Variants in UGGT2 observed in about 807,000 individuals in gnomAD.
UGGT2 encodes UDP-glucose:glycoprotein glucosyltransferase 2.
A neutral mutation model predicts 192.1 loss-of-function variants in UGGT2; 180 were observed. The ratio of observed to expected loss-of-function variants is 0.94; its 90% confidence interval spans 0.83 to 1.06. The LOEUF (loss-of-function observed/expected upper bound fraction) is 1.06, where lower values mean the gene tolerates loss of function less well. UGGT2 is among the 50% of genes least tolerant of loss of function. UGGT2 has a pLI of 0.00. For synonymous variants in UGGT2, 580 were observed against 591.0 expected (o/e 0.98, Z 0.27); for missense variants, 1,849 against 1,795.7 (o/e 1.03, Z -0.54).
At chr13:95,814,992 G>C (rs1884755605) in intron 38 of UGGT2, among the ~76,000 whole-genome samples, 1 of 152,082 alleles carries the variant, frequency 6.6e-6, no homozygotes, top group Non-Finnish European at 1.5e-5. Context: ...CATCTCAACA[G>C]ATATTGAAAA....
intron 1 of UGGT2, among the ~76,000 whole-genome samples, chr13:96,045,389 G>C (rs2053279767): frequency 6.6e-6 from 1 of 152,064 alleles, no homozygotes; most frequent in South Asian, 2.1e-4. Flanking sequence ...ATACTGAATG[G>C]GGAAAAGTTT....
intron 4 of UGGT2, among the ~76,000 whole-genome samples, chr13:96,015,277 CAA>C (rs35384365): frequency 7.6e-4 from 85 of 111,202 alleles, no homozygotes; most frequent in East Asian, 2.0e-3. Context: ...GACTCCGTCT[CAA>C]AAAAAAAAAA....
At chr13:95,853,464 G>A in intron 36 of UGGT2, 79 bp downstream of exon 36, 1 of 1,112,794 alleles carries the variant, frequency 9.0e-7, no homozygotes, top group East Asian at 2.7e-5. Context: ...CAAAATATAA[G>A]ACTTTAAAGT....
intron 20 of UGGT2, among the ~76,000 whole-genome samples, chr13:95,911,701 T>C (rs925726585): frequency 8.0e-5 from 12 of 149,678 alleles, no homozygotes; most frequent in Non-Finnish European, 1.5e-4. Context: ...TTCCAATCAA[T>C]AGAAAAAGAG....
In UGGT2 at chr13:95,877,730, C is replaced by T. The variant is rs751924138; in HGVS notation, c.3355G>A (p.Ala1119Thr). 4 of 1,613,804 alleles carry T rather than the reference C, an allele frequency of 2.5e-6. No homozygotes were observed. Among genetic ancestry groups the T allele is most frequent in the Non-Finnish European group, 2.5e-6 (3 of 1,179,942 alleles). Residue 1119 changes from alanine to threonine, a missense_variant, in exon 28 of 39, where the codon GCT becomes ACT. Ala to Thr is a moderately conservative substitution (Grantham distance 58). Transcript: ENST00000376747. ...GCCATCACTATTGTATCAACCACAG[C>T]AGGTTTATTTTTTGTGCCTAGTGTG... is the stretch of plus-strand genomic sequence containing the variant. ...QFTLGTKNKP[A>T]VVDTIVMAHH...
rs550694381 is a variant in UGGT2, at chr13:95,962,617, T to C, written c.1335+7495A>G. On this transcript the variant is annotated intron_variant, in intron 12 of 38. Coordinates refer to ENST00000376747, the MANE Select transcript of UGGT2 (RefSeq NM_020121.4). ...TTTACTACCTAATTCTACCAAACTT[T>C]CAAAAAAGAACACAAATTCTCCTCA... 5.3e-5 allele frequency among the ~76,000 whole-genome samples: 8 copies of C among 152,058 alleles called. No homozygotes were observed. In the South Asian group the frequency reaches 1.7e-3, roughly 32 times the overall value.
intron 1 of UGGT2, among the ~76,000 whole-genome samples, chr13:96,039,346 T>C: frequency 6.6e-6 from 1 of 152,156 alleles, no homozygotes. Flanking sequence ...CCCCAAAACT[T>C]TGTAAGACTA....
chr13:96,033,704 A>G (rs2052909525), intron 1 of UGGT2, among the ~76,000 whole-genome samples: 1 of 152,160 alleles, frequency 6.6e-6, no homozygotes, highest in South Asian at 2.1e-4. Flanking sequence ...AGAAGCTGCC[A>G]CAACCCGGCT....
intron 10 of UGGT2, 112 bp downstream of exon 10, chr13:95,983,692 A>G: frequency 1.2e-6 from 1 of 836,876 alleles, no homozygotes; most frequent in East Asian, 2.8e-5. Context: ...CTGTTTTAAT[A>G]ATCAAAAAAG....
chr13:96,005,557 T>C (rs949254638), intron 5 of UGGT2, among the ~76,000 whole-genome samples: 1 of 152,196 alleles, frequency 6.6e-6, no homozygotes, highest in African/African-American at 2.4e-5. Context: ...TGTAGCTATA[T>C]AGTGTACTGG....
At chr13:96,043,817 T>C (rs995314738) in intron 1 of UGGT2, among the ~76,000 whole-genome samples, 1 of 152,054 alleles carries the variant, frequency 6.6e-6, no homozygotes, top group African/African-American at 2.4e-5. Flanking sequence ...ACGGAAATAT[T>C]ACAATCTGAA....
At chr13:95,884,823 T>G (rs2047599599) in intron 26 of UGGT2, 143 bp from the exon 27 acceptor site, 1 of 731,446 alleles carries the variant, frequency 1.4e-6, no homozygotes, top group Admixed American at 3.1e-5. Context: ...GCAGAAAAGT[T>G]AATGCTTATG....
intron 20 of UGGT2, among the ~76,000 whole-genome samples, chr13:95,903,437 C>T (rs1053729037): frequency 6.6e-6 from 1 of 152,154 alleles, no homozygotes; most frequent in African/African-American, 2.4e-5. Flanking sequence ...AGATCTCTGT[C>T]AATTACCACA....
intron 7 of UGGT2, chr13:95,995,820 A>G: frequency 4.3e-6 from 2 of 466,250 alleles, no homozygotes; most frequent in Non-Finnish European, 7.6e-6. Context: ...ACACCAAAAC[A>G]TTATGAGTTA....
intron 1 of UGGT2, among the ~76,000 whole-genome samples, chr13:96,038,428 A>G (rs573070446): frequency 2.0e-5 from 3 of 152,336 alleles, no homozygotes; most frequent in Admixed American, 2.0e-4. Flanking sequence ...ATAGAGTAAT[A>G]TGGTATGCCC....
chr13:95,851,794 G>A (rs539253029), intron 36 of UGGT2, among the ~76,000 whole-genome samples: 7 of 152,242 alleles, frequency 4.6e-5, no homozygotes, highest in Admixed American at 6.5e-5. Flanking sequence ...AGAACACCTC[G>A]GACAGTTTCC....
chr13:95,839,503 A>G (rs1228874820), intron 36 of UGGT2, among the ~76,000 whole-genome samples: 1 of 152,202 alleles, frequency 6.6e-6, no homozygotes, highest in Non-Finnish European at 1.5e-5. Context: ...ATATTCCACT[A>G]TATGAATTTA....
chr13:95,883,502 G>A (rs2047553355), intron 27 of UGGT2, among the ~76,000 whole-genome samples: 1 of 152,112 alleles, frequency 6.6e-6, no homozygotes, highest in Admixed American at 6.5e-5. Flanking sequence ...CGTCAGGGGA[G>A]GGGCCTGGTG....
intron 17 of UGGT2, among the ~76,000 whole-genome samples, chr13:95,929,150 T>G (rs566608715): frequency 2.0e-5 from 3 of 152,168 alleles, no homozygotes; most frequent in Non-Finnish European, 4.4e-5. Flanking sequence ...GGCAGTACAG[T>G]CCAGCCTCGG....
Sources: allele counts gnomAD v4.1 joint callset (sites outside exome capture counted in the v4.1 genomes callset), GRCh38; gene constraint gnomAD v4.1.1; transcripts MANE v1.5; gene names NCBI Gene and HGNC (gene_info 2026-07-23, HGNC 2026-07-21).